Variants in KNL1 observed in about 807,000 individuals in gnomAD.
KNL1 encodes outer kinetochore KNL1 complex subunit KNL1.
In KNL1, 66 loss-of-function variants were observed where a neutral mutation model predicts 201.3. The ratio of observed to expected loss-of-function variants is 0.33; its 90% CI spans 0.27 to 0.40. KNL1 has a LOEUF of 0.40. KNL1 is among the 10% of genes least tolerant of loss of function. The probability of loss-of-function intolerance (pLI) is 1.00; values close to 1 mark genes in which losing one functional copy is unlikely to be tolerated. For synonymous variants in KNL1, 895 were observed against 899.2 expected, an observed-to-expected ratio of 1.00 and a Z score of 0.08; for missense variants, 2,815 against 2,690.5, an observed-to-expected ratio of 1.05 and a Z score of -1.02.
chr15:40,648,685 A>G (rs1175935628), intron 17 of KNL1, among the ~76,000 whole-genome samples: 1 of 152,094 alleles, frequency 6.6e-6, no homozygotes, highest in Non-Finnish European at 1.5e-5. Context: ...TAATCTTTAT[A>G]CATTCTTACC....
chr15:40,651,398 A>T, intron 19 of KNL1, 73 bp from the exon 20 acceptor site: 2 of 963,290 alleles, frequency 2.1e-6, no homozygotes, highest in Non-Finnish European at 3.0e-6. Context: ...TTCTTATCAT[A>T]AACCTTTTAT....
intron 2 of KNL1, 62 bp downstream of exon 2, chr15:40,603,028 TAGTA>T (rs1420852629): frequency 1.2e-5 from 13 of 1,041,178 alleles, no homozygotes; most frequent in Non-Finnish European, 1.6e-5. Context: ...TTTTTCTAAT[TAGTA>T]AGACCTATCC....
At chr15:40,646,953 T>G (rs2141754147) in intron 16 of KNL1, 34 bp from the exon 17 acceptor site, 4 of 914,542 alleles carry the variant, frequency 4.4e-6, no homozygotes, top group Non-Finnish European at 7.3e-6. Context: ...TCTTTAGAGG[T>G]TTAACTTGAC....
At position 40,622,042 on chromosome 15, in the gene KNL1, T is replaced by C; in HGVS notation, c.1778T>C (p.Leu593Pro). The C allele has an allele frequency of 6.2e-7, 1 of 1,613,976 alleles. No homozygotes were observed. The highest frequency in any genetic ancestry group is 8.5e-7 in the Non-Finnish European group (1 of 1,179,906). The change falls in exon 10 of 26, where the codon CTA (leucine) becomes CCA (proline). Residue 593 changes from leucine to proline, a missense_variant. Physicochemically the swap from Leu to Pro is moderately conservative, Grantham distance 98 (BLOSUM62 -3). This residue lies in a region of KNL1 where 2,464 missense variants were observed against 2,291.7 expected (regional missense o/e 1.08). Coordinates refer to ENST00000399668, the MANE Select transcript of KNL1 (RefSeq NM_144508.5). The stretch of plus-strand genomic sequence containing the variant: ...CAGGTTCCTCTTGCAGCTTATAATC[T>C]AGCACCGGAGAGTACCAGTGAATCT... ...GSQVPLAAYN[L>P]APESTSESHS...
chr15:40,662,461 A>C lies in KNL1; in HGVS notation c.*273A>C. The C allele has an allele frequency of 3.2e-6, 1 of 312,988 alleles. No individual in the cohort carries two copies. The highest frequency in any genetic ancestry group is 5.1e-5 in the East Asian group (1 of 19,750). 19.4% of individuals were successfully genotyped at this position (312,988 alleles called of 1,614,324 possible). The stretch of plus-strand genomic sequence containing the variant: ...AGGAAAAATGTCTCCTAACTAAACT[A>C]GTGCTTTCTGCTTTAGTACAAGCCC... On this transcript the variant is annotated 3_prime_UTR_variant, in exon 26 of 26. Coordinates refer to ENST00000399668, the MANE Select transcript of KNL1 (RefSeq NM_144508.5).
rs757389362 is a variant in KNL1, at chr15:40,622,635, A to G, written c.2371A>G (p.Thr791Ala). The change falls in exon 10 of 26, where the codon ACT (threonine) becomes GCT (alanine). Residue 791 changes from threonine to alanine, a missense_variant. Coordinates refer to ENST00000399668, the MANE Select transcript of KNL1 (RefSeq NM_144508.5). ...ELGKTNLEHT[T>A]GQLTTMNRQI... Reference sequence around the variant, plus strand: ...TGGTAAAACTAATTTAGAACACACTACTGGCCAGCTAACAACAATGAACAG... The same window carrying G: ...TGGTAAAACTAATTTAGAACACACTGCTGGCCAGCTAACAACAATGAACAG... 3.8e-6 allele frequency: 6 copies of G among 1,595,212 alleles called. No individual in the cohort carries two copies. Among genetic ancestry groups the G allele is most frequent in the Non-Finnish European group, 5.1e-6 (6 of 1,171,516 alleles).
At chr15:40,613,714 C>A (rs1193289792) in intron 7 of KNL1, among the ~76,000 whole-genome samples, 3 of 152,104 alleles carry the variant, frequency 2.0e-5, no homozygotes, top group Admixed American at 1.3e-4. Context: ...TCAAGCAATT[C>A]TCCTGCCTCA....
intron 1 of KNL1, among the ~76,000 whole-genome samples, chr15:40,598,662 A>C (rs1201681579): frequency 6.6e-6 from 1 of 152,218 alleles, no homozygotes; most frequent in Non-Finnish European, 1.5e-5. Flanking sequence ...TGTTGGATTG[A>C]ATAGAAGTAA....
At chr15:40,620,439 C>T (rs907507832) in intron 9 of KNL1, among the ~76,000 whole-genome samples, 3 of 152,124 alleles carry the variant, frequency 2.0e-5, no homozygotes, top group African/African-American at 2.4e-5. Flanking sequence ...TCTCGATCTC[C>T]TGCCCTCGTG....
At chr15:40,601,938 G>A (rs1270408624) in intron 1 of KNL1, among the ~76,000 whole-genome samples, 1 of 130,430 alleles carries the variant, frequency 7.7e-6, no homozygotes, top group African/African-American at 3.0e-5. Context: ...TGCAATTTCG[G>A]CTCACTGCAA....
rs753224204 is a variant in KNL1, at chr15:40,628,175, A to G, written c.5482A>G (p.Ile1828Val). ...TAGTTGCAGCAGCTCTCTGGATTCA[A>G]TCAAGGCTGATGGGACCTCTCTGGA... ...PSSCSSSLDSIKADGTSLDFS... is the reference protein window; with the variant it reads ...PSSCSSSLDSVKADGTSLDFS... The change falls in exon 11 of 26, where the codon ATC (isoleucine) becomes GTC (valine). Residue 1828 changes from isoleucine (I) to valine (V), a missense_variant. Transcript: ENST00000399668. The G allele has an allele frequency of 2.4e-5, 39 of 1,612,284 alleles. No individual in the cohort carries two copies. In the Admixed American group the frequency reaches 4.0e-4, roughly 17 times the overall value.
chr15:40,602,170 G>C (rs1156611366), intron 1 of KNL1, among the ~76,000 whole-genome samples: 2 of 151,624 alleles, frequency 1.3e-5, no homozygotes, highest in Admixed American at 6.6e-5. Flanking sequence ...GGGATTACAG[G>C]CGCCCGCCAC....
intron 21 of KNL1, among the ~76,000 whole-genome samples, 190 bp from the exon 22 acceptor site, chr15:40,654,719 A>G (rs893640235): frequency 1.4e-4 from 22 of 151,784 alleles, no homozygotes; most frequent in African/African-American, 5.1e-4. Context: ...AGTACAAAAA[A>G]TTAGCCAGGT....
intron 14 of KNL1, among the ~76,000 whole-genome samples, chr15:40,644,312 G>C (rs1893322211): frequency 6.6e-6 from 1 of 152,244 alleles, no homozygotes; most frequent in Non-Finnish European, 1.5e-5. Context: ...TCTCAGTGGA[G>C]TAAAGAATAA....
intron 6 of KNL1, 76 bp downstream of exon 6, chr15:40,610,373 A>G: frequency 2.6e-6 from 2 of 771,672 alleles, no homozygotes; most frequent in South Asian, 2.9e-5. Flanking sequence ...CAGACAACTA[A>G]TATAACTTAT....
intron 25 of KNL1, among the ~76,000 whole-genome samples, chr15:40,661,236 T>C (rs1893898898): frequency 6.6e-6 from 1 of 152,062 alleles, no homozygotes; most frequent in South Asian, 2.1e-4. Context: ...CTCATGCCTG[T>C]AATCCCAGCA....
chr15:40,595,435 G>T (rs146959091), intron 1 of KNL1, among the ~76,000 whole-genome samples: 15 of 152,320 alleles, frequency 9.8e-5, no homozygotes, highest in Non-Finnish European at 2.2e-4. Context: ...TTACAGATGG[G>T]AGTTAATATG....
At position 40,663,977 on chromosome 15, in the gene KNL1, A is replaced by G. The variant is rs533552830; in HGVS notation, c.*1789A>G. 7.3e-4 allele frequency: 137 copies of G among 188,174 alleles called. No individual in the cohort carries two copies. Among genetic ancestry groups the G allele is most frequent in the Admixed American group, 1.4e-3 (23 of 16,154 alleles). 11.7% of individuals were successfully genotyped at this position (188,174 alleles called of 1,614,324 possible). A position where few individuals can be genotyped will look rare whatever the true frequency, so the allele number is the denominator to read the frequency against. On this transcript the variant is annotated 3_prime_UTR_variant, in exon 26 of 26. Coordinates refer to ENST00000399668, the MANE Select transcript of KNL1 (RefSeq NM_144508.5). ...AACCTCATTTGCCATAAAAATCAAGATATAGATGTTCTGTTCCGTAAACTC... is the reference window on the plus strand; with the variant it reads ...AACCTCATTTGCCATAAAAATCAAGGTATAGATGTTCTGTTCCGTAAACTC...
At chr15:40,630,113 C>T (rs544238969) in intron 13 of KNL1, among the ~76,000 whole-genome samples, 5 of 152,240 alleles carry the variant, frequency 3.3e-5, no homozygotes, top group African/African-American at 1.2e-4. Flanking sequence ...ATCACTTCAA[C>T]ACAGGAGTTT....
Sources: allele counts gnomAD v4.1 joint callset (sites outside exome capture counted in the v4.1 genomes callset), GRCh38; gene constraint gnomAD v4.1.1; regional missense constraint gnomAD v4.1.1; transcripts MANE v1.5; gene names NCBI Gene and HGNC (gene_info 2026-07-23, HGNC 2026-07-21).